The following AKIRIN2 variants were observed in gnomAD, a reference collection of about 807,000 sequenced individuals.
The protein encoded by AKIRIN2 is akirin 2.
Under a neutral mutation model 29.3 loss-of-function variants are expected in AKIRIN2, and 6 were observed. The ratio of observed to expected loss-of-function variants is 0.20; its 90% confidence interval spans 0.11 to 0.40. AKIRIN2 has a LOEUF of 0.40. AKIRIN2 is among the 10% of genes least tolerant of loss of function. AKIRIN2 has a pLI of 1.00. For missense variants in AKIRIN2, 210 were observed against 276.1 expected (o/e 0.76, Z 1.70); for synonymous variants, 128 against 117.5 (o/e 1.09, Z -0.58).
In AKIRIN2 at chr6:87,701,970, C is replaced by A. The variant is rs754884563; in HGVS notation, c.-286G>T. The A allele has an allele frequency of 5.0e-6, 2 of 398,120 alleles. No homozygotes were observed. The highest frequency in any genetic ancestry group is 4.4e-5 in the Admixed American group (1 of 22,592). 24.7% of individuals were successfully genotyped at this position (398,120 alleles called of 1,614,324 possible). A position where few individuals can be genotyped will look rare whatever the true frequency, so the allele number is the denominator to read the frequency against. ...GGGGGTTCTTCCGCCTCCTCAGGCGCGGCTCCCCCGAGAGAGGCTCCGGCC... is the reference window on the plus strand; with the variant it reads ...GGGGGTTCTTCCGCCTCCTCAGGCGAGGCTCCCCCGAGAGAGGCTCCGGCC... On this transcript the variant is annotated 5_prime_UTR_variant, in exon 1 of 5. Transcript: ENST00000257787.
At chr6:87,697,000 C>A (rs560049614) in intron 1 of AKIRIN2, among the ~76,000 whole-genome samples, 3 of 150,530 alleles carry the variant, frequency 2.0e-5, no homozygotes, top group Non-Finnish European at 4.4e-5. Context: ...AGTGAGACTC[C>A]GTCTCAAAAC....
intron 1 of AKIRIN2, 102 bp downstream of exon 1, chr6:87,701,348 C>T (rs1771460760): frequency 3.1e-6 from 4 of 1,270,324 alleles, no homozygotes; most frequent in Non-Finnish European, 3.1e-6. Context: ...GAACAAGAAC[C>T]ACACAGTCCG....
intron 2 of AKIRIN2, among the ~76,000 whole-genome samples, chr6:87,680,283 A>ATTT (rs10563070): frequency 7.4e-4 from 59 of 79,582 alleles, no homozygotes; most frequent in African/African-American, 1.8e-3. Flanking sequence ...ATGGTCTTTG[A>ATTT]TTTTTTTTTT....
intron 1 of AKIRIN2, among the ~76,000 whole-genome samples, chr6:87,689,541 C>T (rs922866657): frequency 1.3e-5 from 2 of 152,254 alleles, no homozygotes; most frequent in African/African-American, 4.8e-5. Context: ...CCAAACTCAG[C>T]CCCATGGACA....
At chr6:87,690,928 G>A (rs1327659600) in intron 1 of AKIRIN2, among the ~76,000 whole-genome samples, 1 of 151,986 alleles carries the variant, frequency 6.6e-6, no homozygotes, top group Middle Eastern at 3.2e-3. Flanking sequence ...AGCGGAGACT[G>A]CACCACTGCA....
At chr6:87,688,451 T>TAA (rs543094770) in intron 1 of AKIRIN2, among the ~76,000 whole-genome samples, 10 of 135,838 alleles carry the variant, frequency 7.4e-5, no homozygotes, top group African/African-American at 2.2e-4. Flanking sequence ...TTTAAAAAAA[T>TAA]AAAAAAAAAA....
chr6:87,687,793 C>T (rs538222987), intron 1 of AKIRIN2, among the ~76,000 whole-genome samples: 1 of 152,238 alleles, frequency 6.6e-6, no homozygotes, highest in Middle Eastern at 3.4e-3. Flanking sequence ...TGTTATGTAG[C>T]TCTTAACTAC....
chr6:87,690,005 G>C (rs1370489521), intron 1 of AKIRIN2, among the ~76,000 whole-genome samples: 1 of 152,120 alleles, frequency 6.6e-6, no homozygotes, highest in Non-Finnish European at 1.5e-5. Flanking sequence ...GAGGTCAGGA[G>C]TTGGAGGCCA....
At chr6:87,699,068 T>C (rs1394939632) in intron 1 of AKIRIN2, among the ~76,000 whole-genome samples, 1 of 152,208 alleles carries the variant, frequency 6.6e-6, no homozygotes, top group Non-Finnish European at 1.5e-5. Flanking sequence ...CCAATCTCAA[T>C]TTGGTAAGCC....
At chr6:87,690,257 T>C (rs1259592871) in intron 1 of AKIRIN2, among the ~76,000 whole-genome samples, 1 of 151,946 alleles carries the variant, frequency 6.6e-6, no homozygotes, top group African/African-American at 2.4e-5. Context: ...AATTGAACAT[T>C]TTTTAAAAAG....
At chr6:87,693,879 T>A (rs550607643) in intron 1 of AKIRIN2, among the ~76,000 whole-genome samples, 19 of 152,076 alleles carry the variant, frequency 1.2e-4, no homozygotes, top group Non-Finnish European at 2.6e-4. Context: ...CCCCTCTCTA[T>A]CATAGCAACT....
intron 1 of AKIRIN2, among the ~76,000 whole-genome samples, chr6:87,688,660 G>A (rs1771230155): frequency 6.6e-6 from 1 of 152,150 alleles, no homozygotes; most frequent in Admixed American, 6.5e-5. Flanking sequence ...TGAGGTAGGA[G>A]AATCACTTGA....
chr6:87,699,709 A>G (rs1014161179), intron 1 of AKIRIN2, among the ~76,000 whole-genome samples: 1 of 152,230 alleles, frequency 6.6e-6, no homozygotes, highest in Non-Finnish European at 1.5e-5. Flanking sequence ...AGATATGCCA[A>G]TGAAAAGTCG....
chr6:87,701,369 C>G, intron 1 of AKIRIN2, 81 bp downstream of exon 1: 1 of 1,414,000 alleles, frequency 7.1e-7, no homozygotes. Flanking sequence ...GCACCCCCAC[C>G]CCAGGGGCCG....
rs1771473255 is a variant in AKIRIN2 at position 87,701,839 on chromosome 6, A to G, written c.-155T>C. The G allele has an allele frequency of 4.0e-6, 2 of 495,896 alleles. No homozygotes were observed. The highest frequency in any genetic ancestry group is 6.7e-6 in the Non-Finnish European group (2 of 299,094). The allele number at this position is 495,896 out of a possible 1,614,324, so 30.7% of individuals were successfully genotyped here. A position where few individuals can be genotyped will look rare whatever the true frequency, so the allele number is the denominator to read the frequency against. ...TCGCGGAGCGCCGGCTGTGGAAAGGAGAGCCGCTGCCGCCGCTGCCTCCGC... is the reference window on the plus strand; with the variant it reads ...TCGCGGAGCGCCGGCTGTGGAAAGGGGAGCCGCTGCCGCCGCTGCCTCCGC... On this transcript the variant is annotated 5_prime_UTR_variant, in exon 1 of 5. Coordinates refer to ENST00000257787, the MANE Select transcript of AKIRIN2 (RefSeq NM_018064.4).
chr6:87,697,406 T>A (rs774999423), intron 1 of AKIRIN2, among the ~76,000 whole-genome samples: 5 of 151,136 alleles, frequency 3.3e-5, no homozygotes, highest in Non-Finnish European at 7.4e-5. Flanking sequence ...ATCACAGAAA[T>A]ATGCAGTAAC....
chr6:87,677,785 T>A (rs754550026), intron 3 of AKIRIN2, 33 bp downstream of exon 3: 1 of 1,599,082 alleles, frequency 6.3e-7, no homozygotes, highest in Non-Finnish European at 8.5e-7. Flanking sequence ...CACAACTGAG[T>A]TCCTCAGAAA....
chr6:87,701,341 C>A, intron 1 of AKIRIN2, 109 bp downstream of exon 1: 1 of 1,210,212 alleles, frequency 8.3e-7, no homozygotes, highest in Non-Finnish European at 1.1e-6. Context: ...TTGCTAAGAA[C>A]AAGAACCACA....
In AKIRIN2 at chr6:87,701,538, G is replaced by A; in HGVS notation, c.147C>T (p.Ala49=). The A allele has an allele frequency of 7.0e-7, 1 of 1,423,908 alleles. No homozygotes were observed. The highest frequency in any genetic ancestry group is 1.5e-5 in the South Asian group (1 of 68,584). The allele number at this position is 1,423,908 out of a possible 1,614,324, so 88.2% of individuals were successfully genotyped here. ...GCGAGGCGGCCGCAGCGGAGAAGGA[G>A]GCGGCGGTGGCCGCGGCCGCCGACA... is the stretch of plus-strand genomic sequence containing the variant. ...SPLSAAAATA[A]SFSAAAASPQ... is the part of the protein sequence containing the mutation. The change falls in exon 1 of 5, where the codon GCC becomes GCT. Residue 49 remains alanine, a synonymous_variant. Coordinates refer to ENST00000257787, the MANE Select transcript of AKIRIN2 (RefSeq NM_018064.4).
Sources: gnomAD v4.1 joint callset for allele counts (sites outside exome capture counted in the v4.1 genomes callset) on GRCh38, gnomAD v4.1.1 for gene constraint, MANE v1.5 for transcripts, NCBI Gene and HGNC (gene_info 2026-07-23, HGNC 2026-07-21) for gene names.